Variants in FRMPD1 observed in about 807,000 individuals in gnomAD.
FRMPD1 encodes FERM and PDZ domain containing 1, also known as FERM and PDZ domain-containing protein 1.
In FRMPD1, 76 loss-of-function variants were observed where a neutral mutation model predicts 117.8. The observed-to-expected ratio is 0.65, with a 90% confidence interval of 0.54 to 0.78. The LOEUF is 0.78. Among genes scored for constraint, FRMPD1 ranks in the 30% least tolerant of loss-of-function variants. FRMPD1 has a pLI of 0.00. For synonymous variants in FRMPD1, 783 were observed against 770.4 expected, an observed-to-expected ratio of 1.02 and a Z score of -0.27; for missense variants, 1,786 against 1,964.5, an observed-to-expected ratio of 0.91 and a Z score of 1.72.
chr9:37,622,071 G>T, the FRMPD1 span, among the ~76,000 whole-genome samples: 1 of 152,188 alleles, frequency 6.6e-6, no homozygotes, highest in Non-Finnish European at 1.5e-5. Context: ...CAGTAAAAGT[G>T]CCTGAGTTCA....
intron 1 of FRMPD1, chr9:37,670,157 A>G (rs1301660840): frequency 6.6e-6 from 1 of 152,302 alleles, no homozygotes; most frequent in East Asian, 1.9e-4. Flanking sequence ...TAACTGTATT[A>G]TACTGGGTTT....
the FRMPD1 span, among the ~76,000 whole-genome samples, chr9:37,637,617 T>C: frequency 2.6e-5 from 4 of 152,296 alleles, no homozygotes; most frequent in African/African-American, 4.8e-5. Flanking sequence ...AATGGAATCA[T>C]AGAGTATGTA....
rs182655285 is a variant in FRMPD1, at chr9:37,727,692, G to A, written c.613-2036G>A. On this transcript the variant is annotated intron_variant, in intron 7 of 15. Coordinates refer to ENST00000377765, the MANE Select transcript of FRMPD1 (RefSeq NM_014907.3). ...GAAGCAAATGGACCCTTCAGGACTA[G>A]TCACTGGGTAGTTATGGGGGGTGAT... Among the ~76,000 whole-genome samples, 136 of 147,070 alleles carry A rather than the reference G, an allele frequency of 9.2e-4. 2 individuals are homozygous for A. The highest frequency in any genetic ancestry group is 3.2e-3 in the African/African-American group (133 of 40,950).
At chr9:37,714,488 C>T (rs1392212396) in intron 5 of FRMPD1, among the ~76,000 whole-genome samples, 7 of 152,106 alleles carry the variant, frequency 4.6e-5, no homozygotes, top group Non-Finnish European at 1.0e-4. Flanking sequence ...TGGCATTAGC[C>T]CAGTCTGTGG....
At chr9:37,652,980 A>C (rs530926375) in intron 1 of FRMPD1, among the ~76,000 whole-genome samples, 1 of 152,200 alleles carries the variant, frequency 6.6e-6, no homozygotes, top group Non-Finnish European at 1.5e-5. Context: ...GAGGAATAGA[A>C]AGGCTATGTG....
rs369816407 is a variant in FRMPD1 at position 37,744,835 on chromosome 9, G to A, written c.2803G>A (p.Asp935Asn). The A allele has an allele frequency of 5.0e-5, 80 of 1,614,002 alleles. No homozygotes were observed. The highest frequency in any genetic ancestry group is 2.9e-4 in the East Asian group (13 of 44,902). Residue 935 changes from aspartate to asparagine, a missense_variant, in exon 16 of 16, where the codon GAC becomes AAC. Physicochemically the swap from Asp to Asn is conservative, Grantham distance 23 (BLOSUM62 1). Transcript: ENST00000377765. ...GACCATGGAAACCAAATCAGTCATCGACTCTCGAGTGTCTTCTATTTCTGC... is the reference window on the plus strand; with the variant it reads ...GACCATGGAAACCAAATCAGTCATCAACTCTCGAGTGTCTTCTATTTCTGC... The part of the protein sequence containing the change: ...PETMETKSVI[D>N]SRVSSISAIR...
the FRMPD1 span, among the ~76,000 whole-genome samples, chr9:37,639,145 G>C: frequency 1.3e-5 from 2 of 152,144 alleles, no homozygotes; most frequent in African/African-American, 2.4e-5. Flanking sequence ...AGTTACTAAT[G>C]GGATGTGTGT....
At chr9:37,691,727 A>G (rs1822145134) in intron 1 of FRMPD1, among the ~76,000 whole-genome samples, 1 of 152,210 alleles carries the variant, frequency 6.6e-6, no homozygotes, top group African/African-American at 2.4e-5. Context: ...AACATGGTGA[A>G]ACCCCATCTC....
intron 2 of FRMPD1, among the ~76,000 whole-genome samples, chr9:37,706,978 T>TCCATC (rs757540237): frequency 1.4e-3 from 186 of 134,254 alleles, no homozygotes; most frequent in African/African-American, 4.3e-3. Context: ...ATCCATCCAT[T>TCCATC]CATTCATTGA....
chr9:37,609,287 C>T, the FRMPD1 span, among the ~76,000 whole-genome samples: 1 of 147,466 alleles, frequency 6.8e-6, no homozygotes. Context: ...AGCGAAACTC[C>T]GTCTCAAAAA....
Position 37,732,367 on chromosome 9 carries a change from C to T in FRMPD1, c.922C>T (p.Leu308Phe). The T allele has an allele frequency of 6.2e-7, 1 of 1,613,902 alleles. No homozygotes were observed. Among genetic ancestry groups the T allele is most frequent in the Non-Finnish European group, 8.5e-7 (1 of 1,179,952 alleles). ...AATGAAATGTAGCTCTGCACTCCGA[C>T]TCGCGGCTCTGCACATCCAGGAACG... Reference protein sequence around the residue: ...VEMKCSSALRLAALHIQERIY... With the variant: ...VEMKCSSALRFAALHIQERIY... The change falls in exon 10 of 16, where the codon CTC becomes TTC. Residue 308 changes from leucine (L) to phenylalanine (F), a missense_variant. Coordinates refer to ENST00000377765, the MANE Select transcript of FRMPD1 (RefSeq NM_014907.3).
At chr9:37,607,705 A>G in the FRMPD1 span, among the ~76,000 whole-genome samples, 1 of 152,232 alleles carries the variant, frequency 6.6e-6, no homozygotes, top group Non-Finnish European at 1.5e-5. Flanking sequence ...CAAGCCTGTC[A>G]TAGATATTAA....
chr9:37,638,014 TTC>T, the FRMPD1 span, among the ~76,000 whole-genome samples: 18 of 119,536 alleles, frequency 1.5e-4, 3 homozygotes, highest in Admixed American at 1.1e-3. Flanking sequence ...CTTTCTTTCT[TTC>T]TTTCTTTCTC....
chr9:37,710,402 G>A (rs574317229), intron 4 of FRMPD1, among the ~76,000 whole-genome samples: 68 of 152,262 alleles, frequency 4.5e-4, no homozygotes, highest in Non-Finnish European at 7.4e-5. Context: ...CTCTGTTCTG[G>A]CCGCTAATAT....
At chr9:37,732,818 C>T (rs985375263) in intron 10 of FRMPD1, among the ~76,000 whole-genome samples, 2 of 152,190 alleles carry the variant, frequency 1.3e-5, no homozygotes, top group Admixed American at 1.3e-4. Flanking sequence ...TCCACTAGAG[C>T]AGTTTCAAGT....
Position 37,692,723 on chromosome 9 carries a change from T to C in FRMPD1, c.82T>C (p.Ser28Pro). The C allele has an allele frequency of 6.2e-7, 1 of 1,613,576 alleles. No homozygotes were observed. Among genetic ancestry groups the C allele is most frequent in the Non-Finnish European group, 8.5e-7 (1 of 1,179,542 alleles). ...AATGGTGGCAAGATGGCTTCGGCGCTCCCGGGACAGCTCGGCCCGGTAAGC... is the reference window on the plus strand; with the variant it reads ...AATGGTGGCAAGATGGCTTCGGCGCCCCCGGGACAGCTCGGCCCGGTAAGC... The part of the protein sequence containing the change: ...EQMVARWLRR[S>P]RDSSARAKVA... Residue 28 changes from serine to proline, a missense_variant, in exon 2 of 16, where the codon TCC becomes CCC. Coordinates refer to ENST00000377765, the MANE Select transcript of FRMPD1 (RefSeq NM_014907.3).
At chr9:37,693,524 C>T (rs1822221006) in intron 2 of FRMPD1, among the ~76,000 whole-genome samples, 1 of 152,176 alleles carries the variant, frequency 6.6e-6, no homozygotes, top group African/African-American at 2.4e-5. Context: ...TCCTCACACA[C>T]CGAGGTCAGA....
At chr9:37,678,225 T>C (rs1821595748) in intron 1 of FRMPD1, among the ~76,000 whole-genome samples, 1 of 148,100 alleles carries the variant, frequency 6.8e-6, no homozygotes, top group Non-Finnish European at 1.5e-5. Context: ...GCTGATTCTA[T>C]CTCTTTTCCC....
chr9:37,661,180 G>T (rs1160588573), intron 1 of FRMPD1, among the ~76,000 whole-genome samples: 1 of 152,174 alleles, frequency 6.6e-6, no homozygotes, highest in East Asian at 1.9e-4. Flanking sequence ...ACTGACCTGG[G>T]AACTTGCTAA....
Sources: gnomAD v4.1 joint callset for allele counts (sites outside exome capture counted in the v4.1 genomes callset) on GRCh38, gnomAD v4.1.1 for gene constraint, MANE v1.5 for transcripts, NCBI Gene and HGNC (gene_info 2026-07-23, HGNC 2026-07-21) for gene names.